Variants in KDM7A observed in about 807,000 individuals in gnomAD.
KDM7A encodes the protein lysine demethylase 7A.
In KDM7A, 28 loss-of-function variants were observed where a neutral mutation model predicts 114.8. That is an observed-to-expected ratio of 0.24 (90% CI 0.18 to 0.33). KDM7A has a LOEUF of 0.33. Ranked by LOEUF, KDM7A falls within the 10% of genes least tolerant of loss-of-function variation. The probability of loss-of-function intolerance (pLI) is 1.00; values close to 1 mark genes in which losing one functional copy is unlikely to be tolerated. For synonymous variants in KDM7A, 423 were observed against 397.8 expected (o/e 1.06, Z -0.75); for missense variants, 942 against 1,142.5 (o/e 0.82, Z 2.53).
chr7:140,122,197 G>A (rs1385798199), intron 7 of KDM7A, among the ~76,000 whole-genome samples: 1 of 152,166 alleles, frequency 6.6e-6, no homozygotes, highest in Non-Finnish European at 1.5e-5. Context: ...CCTTCCTTAT[G>A]CAATTACTAT....
chr7:140,108,816 A>T (rs1818386121), intron 11 of KDM7A, among the ~76,000 whole-genome samples: 1 of 152,152 alleles, frequency 6.6e-6, no homozygotes, highest in Non-Finnish European at 1.5e-5. Flanking sequence ...AGGGACGTTT[A>T]AGTCTGCAGA....
At chr7:140,092,229 CATG>C in intron 18 of KDM7A, 152 bp from the exon 19 acceptor site, 1 of 680,050 alleles carries the variant, frequency 1.5e-6, no homozygotes, top group Non-Finnish European at 2.5e-6. Context: ...ACCACTCCTG[CATG>C]ATGTCGTCTC....
intron 1 of KDM7A, among the ~76,000 whole-genome samples, chr7:140,172,255 GT>G (rs1794653474): frequency 6.6e-6 from 1 of 152,136 alleles, no homozygotes; most frequent in African/African-American, 2.4e-5. Context: ...TCTTCTAAGT[GT>G]TTTATATGTA....
At chr7:140,092,612 A>G (rs575060040) in intron 18 of KDM7A, among the ~76,000 whole-genome samples, 1 of 152,212 alleles carries the variant, frequency 6.6e-6, no homozygotes, top group Non-Finnish European at 1.5e-5. Context: ...GGGGGCAAAA[A>G]AAACGCTACT....
At position 140,085,565 on chromosome 7, in the gene KDM7A, C is replaced by A. The variant is rs1817912574; in HGVS notation, c.*5529G>T. 6.6e-6 allele frequency: 1 copy of A among 152,152 alleles called. No individual in the cohort carries two copies. Among genetic ancestry groups the A allele is most frequent in the East Asian group, 1.9e-4 (1 of 5,200 alleles). The allele number at this position is 152,152 out of a possible 1,614,324, so 9.4% of individuals were successfully genotyped here. A position where few individuals can be genotyped will look rare whatever the true frequency, so the allele number is the denominator to read the frequency against. ...AGAAAAGTCTTTTCTGAAGGAAATACCATCTGCGAAGATGCATTTCCTGAT... is the reference window on the plus strand; with the variant it reads ...AGAAAAGTCTTTTCTGAAGGAAATAACATCTGCGAAGATGCATTTCCTGAT... On this transcript the variant is annotated 3_prime_UTR_variant, in exon 20 of 20. Coordinates refer to ENST00000397560, the MANE Select transcript of KDM7A (RefSeq NM_030647.2).
chr7:140,153,857 T>A (rs1794428907), intron 1 of KDM7A, among the ~76,000 whole-genome samples: 2 of 152,198 alleles, frequency 1.3e-5, no homozygotes, highest in African/African-American at 4.8e-5. Flanking sequence ...TCTTTGTTGC[T>A]CTTTCATTTT....
chr7:140,126,535 T>G (rs900839394), intron 6 of KDM7A, 102 bp downstream of exon 6: 3 of 548,812 alleles, frequency 5.5e-6, no homozygotes, highest in South Asian at 1.2e-4. Context: ...AAAAAAAAAC[T>G]TCCCCCTTTA....
intron 11 of KDM7A, among the ~76,000 whole-genome samples, chr7:140,106,533 T>G (rs1289124563): frequency 2.0e-5 from 3 of 152,264 alleles, no homozygotes. Flanking sequence ...TCTGCCTTCA[T>G]TTCATTATGT....
chr7:140,095,837 C>A (rs1818099443), intron 17 of KDM7A: 1 of 152,566 alleles, frequency 6.6e-6, no homozygotes, highest in African/African-American at 2.4e-5. Context: ...CATATTTGTG[C>A]CACTACATTC....
chr7:140,160,303 G>A (rs1377621337), intron 1 of KDM7A, among the ~76,000 whole-genome samples: 1 of 152,158 alleles, frequency 6.6e-6, no homozygotes, highest in African/African-American at 2.4e-5. Context: ...CTGATGCAGT[G>A]GAGAGGAAAG....
Position 140,176,677 on chromosome 7 carries a change from C to G in KDM7A, c.194+67G>C. ...CCCGGCCCGAGGGAGGCGCGGGCGG[C>G]CGGCGGCGGCGGCGGTTGGTCGGTG... is the stretch of plus-strand genomic sequence containing the variant. On this transcript the variant is annotated intron_variant, in intron 1 of 19. Transcript: ENST00000397560. This position sits in a 1 kb window ranked among gnomAD's most constrained non-coding sequence, Gnocchi z 4.4. 9.6e-7 allele frequency: 1 copy of G among 1,036,552 alleles called. No homozygotes were observed. Among genetic ancestry groups the G allele is most frequent in the Non-Finnish European group, 1.2e-6 (1 of 853,468 alleles). The allele number at this position is 1,036,552 out of a possible 1,614,324, so 64.2% of individuals were successfully genotyped here.
In KDM7A at chr7:140,139,090, G is replaced by C. The variant is rs2116820290; in HGVS notation, c.280+15C>G. 6.5e-7 allele frequency: 1 copy of C among 1,535,240 alleles called. No homozygotes were observed. Among genetic ancestry groups the C allele is most frequent in the South Asian group, 1.1e-5 (1 of 87,948 alleles). On this transcript the variant is annotated intron_variant, in intron 2 of 19. Transcript: ENST00000397560. The stretch of plus-strand genomic sequence containing the variant: ...TTCTGAAATGTCCATTTTTATTTAA[G>C]CATCTAGTACTTACTCAAGGAGGAA...
rs140765712 is a variant in KDM7A at position 140,100,227 on chromosome 7, C to A, written c.1639-204G>T. On this transcript the variant is annotated intron_variant, in intron 12 of 19. Coordinates refer to ENST00000397560, the MANE Select transcript of KDM7A (RefSeq NM_030647.2). Reference sequence around the variant, plus strand: ...AGTATGGCTCATCTTTCTGGAGGGCCATTAACCATGAAATGCATTCTAGAA... The same window carrying A: ...AGTATGGCTCATCTTTCTGGAGGGCAATTAACCATGAAATGCATTCTAGAA... 4.9e-3 allele frequency among the ~76,000 whole-genome samples: 740 copies of A among 152,260 alleles called. 9 individuals are homozygous for A. Among genetic ancestry groups the A allele is most frequent in the African/African-American group, 0.017 (702 of 41,548 alleles).
intron 1 of KDM7A, among the ~76,000 whole-genome samples, chr7:140,160,475 C>T (rs1462605528): frequency 6.6e-6 from 1 of 152,224 alleles, no homozygotes; most frequent in Non-Finnish European, 1.5e-5. Flanking sequence ...ACAAAACACT[C>T]TGCAGACCTG....
rs140240934 is a variant in KDM7A at position 140,151,339 on chromosome 7, T to C, written c.195-12149A>G. On this transcript the variant is annotated intron_variant, in intron 1 of 19. Coordinates refer to ENST00000397560, the MANE Select transcript of KDM7A (RefSeq NM_030647.2). ...GTAATATTTAATTCAGAATTTCCCA[T>C]TGCCCACAGATCTACCTAAAGCTGA... Among the ~76,000 whole-genome samples, 37 of 152,322 alleles carry C rather than the reference T, an allele frequency of 2.4e-4. 2 individuals are homozygous for C. The East Asian group carries it at 6.7e-3, about 28-fold the overall frequency.
chr7:140,139,996 T>C (rs558985602), intron 1 of KDM7A, among the ~76,000 whole-genome samples: 20 of 152,282 alleles, frequency 1.3e-4, no homozygotes, highest in Non-Finnish European at 2.6e-4. Flanking sequence ...ATTTTAAAAA[T>C]TGACCCACAA....
chr7:140,101,944 T>C lies in KDM7A; in HGVS notation c.1638+7A>G, dbSNP rs754105717. 1.9e-6 allele frequency: 3 copies of C among 1,584,250 alleles called. No homozygotes were observed. In the African/African-American group the frequency reaches 4.0e-5, roughly 21 times the overall value. On this transcript the variant is annotated splice_region_variant and intron_variant, in intron 12 of 19. Transcript: ENST00000397560. ...TTCTTTTTGTTGTCATGAAACATAATACTTGCCTCTTCCCATGGACACATC... is the reference window on the plus strand; with the variant it reads ...TTCTTTTTGTTGTCATGAAACATAACACTTGCCTCTTCCCATGGACACATC...
intron 1 of KDM7A, among the ~76,000 whole-genome samples, chr7:140,157,934 A>G (rs1794476233): frequency 6.6e-6 from 1 of 151,702 alleles, no homozygotes; most frequent in African/African-American, 2.4e-5. Flanking sequence ...ACACCACTGC[A>G]CTCCAGCCTG....
At chr7:140,162,512 T>C (rs1794531853) in intron 1 of KDM7A, among the ~76,000 whole-genome samples, 1 of 152,186 alleles carries the variant, frequency 6.6e-6, no homozygotes, top group Non-Finnish European at 1.5e-5. Context: ...AAACTGGACA[T>C]AAGATCACTG....
Sources: gnomAD v4.1 joint callset for allele counts (sites outside exome capture counted in the v4.1 genomes callset) on GRCh38, gnomAD v4.1.1 for gene constraint, Gnocchi (gnomAD v3.1) non-coding constraint, MANE v1.5 for transcripts, NCBI Gene and HGNC (gene_info 2026-07-23, HGNC 2026-07-21) for gene names.